KBTBD11: variants seen among roughly 807,000 people sequenced by gnomAD.
The protein encoded by KBTBD11 is kelch repeat and BTB domain containing 11.
For synonymous variants in KBTBD11, 747 were observed against 499.0 expected (o/e 1.50, Z -6.63); for missense variants, 1,390 against 1,001.8 (o/e 1.39, Z -5.23).
Position 2,002,744 on chromosome 8 carries a change from G to T in KBTBD11, c.1552G>T (p.Gly518Trp), listed in dbSNP as rs2129316989. Residue 518 changes from glycine (G) to tryptophan (W), a missense_variant, in exon 2 of 2, where the codon GGG becomes TGG. Gly to Trp is a radical substitution (Grantham distance 184). Transcript: ENST00000320248. This position sits in a 1 kb window ranked among gnomAD's most constrained non-coding sequence, Gnocchi z 4.1. ...SGSRGEAQAA[G>W]PSGVSVSRYH... ...CAGCCGCGGCGAGGCGCAGGCGGCG[G>T]GGCCGAGCGGGGTCAGCGTGTCCCG... 2.0e-6 allele frequency: 3 copies of T among 1,494,788 alleles called. No individual in the cohort carries two copies. The highest frequency in any genetic ancestry group is 1.3e-5 in the South Asian group (1 of 77,400). The allele number at this position is 1,494,788 out of a possible 1,614,324, so 92.6% of individuals were successfully genotyped here.
intron 1 of KBTBD11, among the ~76,000 whole-genome samples, chr8:1,983,702 A>G (rs1816615943): frequency 6.6e-6 from 1 of 152,232 alleles, no homozygotes; most frequent in Non-Finnish European, 1.5e-5. Flanking sequence ...GTCTTGTGCA[A>G]ATAAGACCAT....
At chr8:1,995,642 G>A (rs1416006859) in intron 1 of KBTBD11, among the ~76,000 whole-genome samples, 3 of 152,112 alleles carry the variant, frequency 2.0e-5, no homozygotes, top group Non-Finnish European at 4.4e-5. Context: ...GAAGCTGTGG[G>A]CCTGTTTTCA....
Position 2,005,182 on chromosome 8 carries a change from A to G in KBTBD11, c.*2118A>G, listed in dbSNP as rs1235978189. On this transcript the variant is annotated 3_prime_UTR_variant, in exon 2 of 2. Transcript: ENST00000320248. ...TTTCATTTAGTGAAGGAATGCTCAC[A>G]CTAGATGTAGCACAGCTTCCTGTGG... 6.0e-6 allele frequency: 1 copy of G among 167,096 alleles called. No homozygotes were observed. The highest frequency in any genetic ancestry group is 6.5e-5 in the Admixed American group (1 of 15,280). 10.4% of individuals were successfully genotyped at this position (167,096 alleles called of 1,614,324 possible). A position where few individuals can be genotyped will look rare whatever the true frequency, so the allele number is the denominator to read the frequency against.
chr8:2,002,760 G>C lies in KBTBD11; in HGVS notation c.1568G>C (p.Ser523Thr), dbSNP rs770913924. 1.0e-4 allele frequency: 150 copies of C among 1,487,116 alleles called. No individual in the cohort carries two copies. Among genetic ancestry groups the C allele is most frequent in the Non-Finnish European group, 1.3e-4 (146 of 1,126,124 alleles). The allele number at this position is 1,487,116 out of a possible 1,614,324, so 92.1% of individuals were successfully genotyped here. Reference sequence around the variant, plus strand: ...CAGGCGGCGGGGCCGAGCGGGGTCAGCGTGTCCCGATACCACTGCCTGGCC... The same window carrying C: ...CAGGCGGCGGGGCCGAGCGGGGTCACCGTGTCCCGATACCACTGCCTGGCC... ...EAQAAGPSGV[S>T]VSRYHCLAKQ... The change falls in exon 2 of 2, where the codon AGC (serine) becomes ACC (threonine). Residue 523 changes from serine (S) to threonine (T), a missense_variant. Coordinates refer to ENST00000320248, the MANE Select transcript of KBTBD11 (RefSeq NM_014867.3). The surrounding 1 kb of genome is among the most constrained non-coding windows in gnomAD (Gnocchi z 4.1).
rs1469200684 is a variant in KBTBD11, at chr8:2,005,172, G to A, written c.*2108G>A. ...CTTTCCAGCGTTTCATTTAGTGAAG[G>A]AATGCTCACACTAGATGTAGCACAG... On this transcript the variant is annotated 3_prime_UTR_variant, in exon 2 of 2. Transcript: ENST00000320248. The A allele has an allele frequency of 3.6e-5, 6 of 167,050 alleles. No individual in the cohort carries two copies. The allele number at this position is 167,050 out of a possible 1,614,324, so 10.3% of individuals were successfully genotyped here.
In KBTBD11 at chr8:2,004,287, G is replaced by T. The variant is rs1817506098; in HGVS notation, c.*1223G>T. ...TATGAGGATTAAAAACAAATCAGTT[G>T]GGTCGTTTCTCATTTAACATTTTAC... On this transcript the variant is annotated 3_prime_UTR_variant, in exon 2 of 2. Transcript: ENST00000320248. 1 of 166,854 alleles carries T rather than the reference G, an allele frequency of 6.0e-6. No homozygotes were observed. Among genetic ancestry groups the T allele is most frequent in the Admixed American group, 6.5e-5 (1 of 15,288 alleles). 10.3% of individuals were successfully genotyped at this position (166,854 alleles called of 1,614,324 possible).
At chr8:1,992,718 T>C (rs980074185) in intron 1 of KBTBD11, among the ~76,000 whole-genome samples, 1 of 152,148 alleles carries the variant, frequency 6.6e-6, no homozygotes, top group African/African-American at 2.4e-5. Flanking sequence ...GTTGTTTTGA[T>C]TATAAAAGCA....
intron 1 of KBTBD11, among the ~76,000 whole-genome samples, chr8:1,985,277 A>C (rs1816673746): frequency 6.6e-6 from 1 of 152,258 alleles, no homozygotes; most frequent in African/African-American, 2.4e-5. Context: ...GTGAGCTGTC[A>C]GGAGCTCGTC....
chr8:1,978,647 T>C (rs1323623305), intron 1 of KBTBD11, among the ~76,000 whole-genome samples: 1 of 152,172 alleles, frequency 6.6e-6, no homozygotes, highest in African/African-American at 2.4e-5. Flanking sequence ...CCTCAGTCCC[T>C]GGCCTGCCAC....
chr8:1,997,157 C>A (rs187596404), intron 1 of KBTBD11, among the ~76,000 whole-genome samples: 38 of 152,210 alleles, frequency 2.5e-4, no homozygotes, highest in Non-Finnish European at 3.8e-4. Context: ...GGGCGAGTTT[C>A]AGTAATTTCA....
intron 1 of KBTBD11, among the ~76,000 whole-genome samples, chr8:1,995,784 G>A (rs1486745943): frequency 6.6e-6 from 1 of 152,186 alleles, no homozygotes; most frequent in Non-Finnish European, 1.5e-5. Flanking sequence ...AGCAAATTTA[G>A]GAGGCCGAGG....
chr8:2,002,704 C>T lies in KBTBD11; in HGVS notation c.1512C>T (p.Arg504=), dbSNP rs1172578950. 34 of 1,544,258 alleles carry T rather than the reference C, an allele frequency of 2.2e-5. No individual in the cohort carries two copies. Among genetic ancestry groups the T allele is most frequent in the Non-Finnish European group, 2.8e-5 (32 of 1,153,854 alleles). ...DMVALDGFIY[R]FDLSGSRGEA... ...TGGCTCTCGACGGCTTCATCTACCG[C>T]TTCGATCTGAGCGGCAGCCGCGGCG... Residue 504 remains arginine (R), a synonymous_variant, in exon 2 of 2, where the codon CGC becomes CGT. Transcript: ENST00000320248. This position sits in a 1 kb window ranked among gnomAD's most constrained non-coding sequence, Gnocchi z 4.1.
At chr8:1,993,183 G>A (rs918005708) in intron 1 of KBTBD11, among the ~76,000 whole-genome samples, 1 of 151,940 alleles carries the variant, frequency 6.6e-6, no homozygotes, top group Non-Finnish European at 1.5e-5. Context: ...CTTACCTCAG[G>A]TTATCCACCC....
At chr8:1,997,964 T>C (rs1246714212) in intron 1 of KBTBD11, among the ~76,000 whole-genome samples, 1 of 152,194 alleles carries the variant, frequency 6.6e-6, no homozygotes, top group African/African-American at 2.4e-5. Flanking sequence ...AAAAGTAACA[T>C]AAAGACCGCT....
intron 1 of KBTBD11, among the ~76,000 whole-genome samples, chr8:1,995,467 C>T (rs1312063874): frequency 6.6e-6 from 1 of 152,106 alleles, no homozygotes; most frequent in East Asian, 1.9e-4. Flanking sequence ...CTGTGTAATT[C>T]TGCACATTTT....
chr8:1,993,548 CCCACCCACCCAT>C (rs1225786186), intron 1 of KBTBD11, among the ~76,000 whole-genome samples: 5,486 of 99,578 alleles, frequency 0.055, 159 homozygotes, highest in Non-Finnish European at 0.074. Flanking sequence ...CACCCACCCA[CCCACCCACCCAT>C]CCATCCATCC....
rs867944410 is a variant in KBTBD11 at position 2,001,517 on chromosome 8, G to A, written c.325G>A (p.Glu109Lys). 7.1e-7 allele frequency: 1 copy of A among 1,416,906 alleles called. No individual in the cohort carries two copies. The highest frequency in any genetic ancestry group is 9.2e-7 in the Non-Finnish European group (1 of 1,090,702). 87.8% of individuals were successfully genotyped at this position (1,416,906 alleles called of 1,614,324 possible). A position where few individuals can be genotyped will look rare whatever the true frequency, so the allele number is the denominator to read the frequency against. Residue 109 changes from glutamate to lysine, a missense_variant, in exon 2 of 2, where the codon GAA (glutamate) becomes AAA (lysine). Glu to Lys is a moderately conservative substitution (Grantham distance 56). Transcript: ENST00000320248. ...GGAAGAGCCCGCGGCGCCGTCCCCC[G>A]AACCGCGCGTTTGGCTTGAGGACCC... ...CPEEPAAPSP[E>K]PRVWLEDPAS...
At chr8:1,990,255 G>C (rs1325484423) in intron 1 of KBTBD11, among the ~76,000 whole-genome samples, 2 of 139,428 alleles carry the variant, frequency 1.4e-5, no homozygotes, top group African/African-American at 5.4e-5. Flanking sequence ...TAGATGCTGG[G>C]CCTTGGCGCC....
Position 2,006,918 on chromosome 8 carries a change from C to G in KBTBD11, c.*3854C>G, listed in dbSNP as rs1289120744. The G allele has an allele frequency of 6.0e-6, 1 of 166,140 alleles. No individual in the cohort carries two copies. Among genetic ancestry groups the G allele is most frequent in the East Asian group, 1.9e-4 (1 of 5,204 alleles). The allele number at this position is 166,140 out of a possible 1,614,324, so 10.3% of individuals were successfully genotyped here. A position where few individuals can be genotyped will look rare whatever the true frequency, so the allele number is the denominator to read the frequency against. On this transcript the variant is annotated 3_prime_UTR_variant, in exon 2 of 2. Transcript: ENST00000320248. ...CAGTTCATGCCGAGATGAAATAAATCACGCAGAAAGTGCCAGTCCTCCTGA... is the reference window on the plus strand; with the variant it reads ...CAGTTCATGCCGAGATGAAATAAATGACGCAGAAAGTGCCAGTCCTCCTGA...
Sources: allele counts gnomAD v4.1 joint callset (sites outside exome capture counted in the v4.1 genomes callset), GRCh38; gene constraint gnomAD v4.1.1; non-coding constraint Gnocchi (gnomAD v3.1); transcripts MANE v1.5; gene names NCBI Gene and HGNC (gene_info 2026-07-23, HGNC 2026-07-21).